ASB7: variants seen among roughly 807,000 people sequenced by gnomAD.
The protein encoded by ASB7 is ankyrin repeat and SOCS box protein 7.
In ASB7, 4 loss-of-function variants were observed where a neutral mutation model predicts 32.5. That is an observed-to-expected ratio of 0.12 (90% CI 0.06 to 0.28). The LOEUF (loss-of-function observed/expected upper bound fraction) is 0.28, where lower values mean the gene tolerates loss of function less well. Among genes scored for constraint, ASB7 ranks in the 10% least tolerant of loss-of-function variants. The pLI is 1.00. For synonymous variants in ASB7, 172 were observed against 155.6 expected, an observed-to-expected ratio of 1.11 and a Z score of -0.78; for missense variants, 181 against 407.1, an observed-to-expected ratio of 0.44 and a Z score of 4.78.
At chr15:100,638,034 A>C (rs552657423) in intron 5 of ASB7, among the ~76,000 whole-genome samples, 52 of 152,152 alleles carry the variant, frequency 3.4e-4, no homozygotes, top group African/African-American at 1.2e-3. Flanking sequence ...ATAGTTTAAA[A>C]ATTTCTCAAT....
chr15:100,618,209 C>G (rs1315706891), intron 4 of ASB7, among the ~76,000 whole-genome samples: 1 of 152,156 alleles, frequency 6.6e-6, no homozygotes, highest in Non-Finnish European at 1.5e-5. Context: ...CTCCGCCTCC[C>G]AGGTTCAAGC....
rs181636288 is a variant in ASB7, at chr15:100,648,604, T to C, written c.*142T>C. 1 of 642,496 alleles carries C rather than the reference T, an allele frequency of 1.6e-6. No homozygotes were observed. Among genetic ancestry groups the C allele is most frequent in the East Asian group, 3.3e-5 (1 of 30,756 alleles). 39.8% of individuals were successfully genotyped at this position (642,496 alleles called of 1,614,324 possible). On this transcript the variant is annotated 3_prime_UTR_variant, in exon 6 of 6. Coordinates refer to ENST00000332783, the MANE Select transcript of ASB7 (RefSeq NM_198243.3). Reference sequence around the variant, plus strand: ...TATACACTTTTGGGTTTTCTGTTTGTTTGGTTGGTTTTCATTGTAGGGGAG... The same window carrying C: ...TATACACTTTTGGGTTTTCTGTTTGCTTGGTTGGTTTTCATTGTAGGGGAG...
intron 2 of ASB7, among the ~76,000 whole-genome samples, chr15:100,604,529 A>G (rs949213044): frequency 3.9e-5 from 6 of 152,180 alleles, no homozygotes; most frequent in African/African-American, 1.2e-4. Flanking sequence ...GCCCTCCACA[A>G]AAAGAAATTA....
rs969287508 is a variant in ASB7, at chr15:100,651,148, A to G, written c.*2686A>G. The G allele has an allele frequency of 5.9e-5, 9 of 151,976 alleles. No individual in the cohort carries two copies. Among genetic ancestry groups the G allele is most frequent in the African/African-American group, 2.2e-4 (9 of 41,378 alleles). 9.4% of individuals were successfully genotyped at this position (151,976 alleles called of 1,614,324 possible). ...CAAAGAAACCAGCTTACAAAAGATT[A>G]TGATCATTAATGAACTGCAAACCTC... On this transcript the variant is annotated 3_prime_UTR_variant, in exon 6 of 6. Transcript: ENST00000332783.
At chr15:100,645,523 A>G in intron 5 of ASB7, 1 of 654,990 alleles carries the variant, frequency 1.5e-6, no homozygotes, top group Non-Finnish European at 2.9e-6. Flanking sequence ...CTTTCTCTTC[A>G]TGAGCAGCCA....
intron 2 of ASB7, among the ~76,000 whole-genome samples, chr15:100,606,807 A>G (rs1451895380): frequency 6.6e-6 from 1 of 152,082 alleles, no homozygotes; most frequent in Non-Finnish European, 1.5e-5. Flanking sequence ...ATACCCTCAG[A>G]GTATCAGTAG....
At chr15:100,627,019 C>G (rs1318068995) in intron 4 of ASB7, among the ~76,000 whole-genome samples, 1 of 151,742 alleles carries the variant, frequency 6.6e-6, no homozygotes, top group African/African-American at 2.4e-5. Context: ...GTTATATACT[C>G]GTATACAGTT....
chr15:100,633,639 AAAGGAAG>A (rs371331386), intron 5 of ASB7, among the ~76,000 whole-genome samples: 175 of 151,056 alleles, frequency 1.2e-3, no homozygotes, highest in Non-Finnish European at 1.8e-3. Context: ...GAAAGGAAGG[AAAGGAAG>A]AAGGAAGGAG....
chr15:100,638,416 C>T (rs1013484745), intron 5 of ASB7: 1 of 152,142 alleles, frequency 6.6e-6, no homozygotes, highest in East Asian at 1.9e-4. Flanking sequence ...CCCTCGTTCT[C>T]CTCTTTCCTC....
At chr15:100,634,686 C>G (rs1275937901) in intron 5 of ASB7, among the ~76,000 whole-genome samples, 1 of 152,264 alleles carries the variant, frequency 6.6e-6, no homozygotes, top group East Asian at 1.9e-4. Context: ...CACCTATTGT[C>G]CCCGCTACTC....
intron 5 of ASB7, among the ~76,000 whole-genome samples, chr15:100,630,839 A>C (rs1490601659): frequency 6.6e-6 from 1 of 152,220 alleles, no homozygotes; most frequent in Non-Finnish European, 1.5e-5. Flanking sequence ...AATGTCCACC[A>C]TGAAGCTAAA....
At chr15:100,646,001 C>A (rs2039994742) in intron 5 of ASB7, 3 of 477,368 alleles carry the variant, frequency 6.3e-6, no homozygotes, top group South Asian at 1.8e-5. Flanking sequence ...TCCTCCATTT[C>A]ATCTTCTTCT....
intron 5 of ASB7, among the ~76,000 whole-genome samples, chr15:100,631,142 G>A (rs1160650332): frequency 1.3e-5 from 2 of 152,148 alleles, no homozygotes; most frequent in Non-Finnish European, 2.9e-5. Context: ...TCAGACTAAA[G>A]CGTAAGAAAA....
intron 5 of ASB7, among the ~76,000 whole-genome samples, chr15:100,637,239 A>G (rs1048603192): frequency 3.9e-5 from 6 of 152,220 alleles, no homozygotes; most frequent in Admixed American, 3.3e-4. Flanking sequence ...TGGAAAGAGT[A>G]GAAGCTAAAC....
chr15:100,609,304 C>T (rs935834610), intron 2 of ASB7, among the ~76,000 whole-genome samples: 5 of 152,174 alleles, frequency 3.3e-5, no homozygotes, highest in Admixed American at 6.5e-5. Flanking sequence ...TTCATGCACA[C>T]GTATTCTCAT....
chr15:100,646,075 G>T (rs2141409089), intron 5 of ASB7: 1 of 395,540 alleles, frequency 2.5e-6, no homozygotes. Context: ...TTTAGTTCCT[G>T]AGCTATCAAT....
chr15:100,638,575 C>G (rs145812587), intron 5 of ASB7: 1 of 152,122 alleles, frequency 6.6e-6, no homozygotes, highest in Non-Finnish European at 1.5e-5. Flanking sequence ...GTTCGCCGTG[C>G]GCAGTAACAT....
At chr15:100,616,702 T>TA (rs1567112914) in intron 4 of ASB7, among the ~76,000 whole-genome samples, 2 of 152,250 alleles carry the variant, frequency 1.3e-5, no homozygotes, top group Non-Finnish European at 2.9e-5. Context: ...ACCTTTTACC[T>TA]GATACCCTTT....
intron 4 of ASB7, among the ~76,000 whole-genome samples, chr15:100,620,799 G>A (rs1024030818): frequency 2.0e-5 from 3 of 152,162 alleles, no homozygotes; most frequent in East Asian, 1.9e-4. Context: ...AGAAAATAAC[G>A]TTGGAAGAGA....
Sources: gnomAD v4.1 joint callset for allele counts (sites outside exome capture counted in the v4.1 genomes callset) on GRCh38, gnomAD v4.1.1 for gene constraint, MANE v1.5 for transcripts, NCBI Gene and HGNC (gene_info 2026-07-23, HGNC 2026-07-21) for gene names.